The following SEPTIN6 variants were observed in gnomAD, a reference collection of about 807,000 sequenced individuals.
SEPTIN6 encodes the protein septin-6.
SEPTIN6 carries 8 observed loss-of-function variants against 33.6 expected under a neutral mutation model. That is an observed-to-expected ratio of 0.24 (90% CI 0.14 to 0.43). SEPTIN6 has a LOEUF of 0.43. Among genes scored for constraint, SEPTIN6 ranks in the 20% least tolerant of loss-of-function variants. The probability of loss-of-function intolerance (pLI) is 1.00; values close to 1 mark genes in which losing one functional copy is unlikely to be tolerated. For synonymous variants in SEPTIN6, 131 were observed against 140.0 expected, an observed-to-expected ratio of 0.94 and a Z score of 0.45; for missense variants, 250 against 340.8, an observed-to-expected ratio of 0.73 and a Z score of 2.10.
intron 9 of SEPTIN6, among the ~76,000 whole-genome samples, chrX:119,627,810 T>C (rs1265957391): frequency 1.1e-5 from 1 of 94,486 alleles, no homozygotes; most frequent in African/African-American, 3.9e-5. Context: ...TTTTTTTTTT[T>C]TTTTTTTGAG....
At chrX:119,644,725 T>C (rs893052183) in intron 5 of SEPTIN6, among the ~76,000 whole-genome samples, 1 of 108,423 alleles carries the variant, frequency 9.2e-6, no homozygotes, top group Admixed American at 9.9e-5. Flanking sequence ...CGGGCGCCTG[T>C]AATCCCAGCT....
At chrX:119,631,213 C>T (rs1267491916) in intron 8 of SEPTIN6, among the ~76,000 whole-genome samples, 5 of 102,742 alleles carry the variant, frequency 4.9e-5, no homozygotes, top group African/African-American at 1.8e-4. Flanking sequence ...CAGAGTCTCG[C>T]TCTGTCGCCC....
chrX:119,675,065 G>C (rs772618110), intron 2 of SEPTIN6, among the ~76,000 whole-genome samples: 55 of 110,530 alleles, frequency 5.0e-4, no homozygotes, highest in Non-Finnish European at 8.3e-4. Flanking sequence ...TCTAGGCAGA[G>C]AGATAGGTAA....
intron 1 of SEPTIN6, among the ~76,000 whole-genome samples, chrX:119,690,454 G>GT (rs1282476007): frequency 9.1e-6 from 1 of 109,921 alleles, no homozygotes; most frequent in Non-Finnish European, 1.9e-5. Context: ...GCCGGGAGCA[G>GT]TGGCTCATGC....
intron 5 of SEPTIN6, among the ~76,000 whole-genome samples, chrX:119,649,111 A>ATTTT (rs200217501): frequency 1.2e-4 from 9 of 75,699 alleles, no homozygotes; most frequent in African/African-American, 1.7e-4. Flanking sequence ...CATAACGCTG[A>ATTTT]TTTTTTTTTT....
intron 9 of SEPTIN6, 127 bp downstream of exon 9, chrX:119,629,191 A>G: frequency 1.6e-6 from 1 of 623,399 alleles, no homozygotes; most frequent in Non-Finnish European, 2.5e-6. Flanking sequence ...AGGTACCTCA[A>G]CCAGTCTGAC....
At chrX:119,632,874 T>C (rs1382954773) in intron 8 of SEPTIN6, among the ~76,000 whole-genome samples, 4 of 111,251 alleles carry the variant, frequency 3.6e-5, no homozygotes, top group Non-Finnish European at 7.6e-5. Context: ...GTGATCCAAC[T>C]ACCTCGGCCT....
chrX:119,645,570 C>T (rs1381677810), intron 5 of SEPTIN6, among the ~76,000 whole-genome samples: 1 of 110,872 alleles, frequency 9.0e-6, no homozygotes, highest in Non-Finnish European at 1.9e-5. Context: ...GCTAATTTTG[C>T]ATTTTTAGTA....
At chrX:119,640,168 C>CTTTTTTTTTTT (rs57021804) in intron 6 of SEPTIN6, among the ~76,000 whole-genome samples, 36 of 20,175 alleles carry the variant, frequency 1.8e-3, no homozygotes, top group Non-Finnish European at 2.4e-3. Flanking sequence ...ACTATCCAGT[C>CTTTTTTTTTTT]TTTTTTTTTT....
At chrX:119,654,118 G>C (rs1391533900) in intron 3 of SEPTIN6, among the ~76,000 whole-genome samples, 1 of 110,724 alleles carries the variant, frequency 9.0e-6, no homozygotes. Context: ...ATCTGGTAAA[G>C]CTACTCCCCT....
In SEPTIN6 at chrX:119,637,127, G is replaced by A; in HGVS notation, c.856C>T (p.Leu286=). ...EMLIRVNMED[L]REQTHTRHYE... ...TGCCGGGTGTGGGTCTGCTCCCGCAGATCCTCCATGTTGACCCGAATCAGC... is the reference window on the plus strand; with the variant it reads ...TGCCGGGTGTGGGTCTGCTCCCGCAAATCCTCCATGTTGACCCGAATCAGC... The change falls in exon 7 of 11, where the codon CTG becomes TTG. Residue 286 remains leucine, a synonymous_variant. Transcript: ENST00000394610. 1.7e-6 allele frequency: 2 copies of A among 1,211,546 alleles called. No homozygotes were observed. The highest frequency in any genetic ancestry group is 3.0e-5 in the East Asian group (1 of 33,827).
At chrX:119,637,592 C>T (rs867966233) in intron 6 of SEPTIN6, among the ~76,000 whole-genome samples, 2 of 93,488 alleles carry the variant, frequency 2.1e-5, no homozygotes, top group African/African-American at 8.4e-5. Context: ...CATCCATCCA[C>T]TCATCCATCC....
intron 10 of SEPTIN6, among the ~76,000 whole-genome samples, chrX:119,622,036 AAACAAAACAACAAC>A (rs1279386318): frequency 8.9e-5 from 8 of 89,922 alleles, no homozygotes; most frequent in Non-Finnish European, 1.7e-4. Context: ...ACAAAAACAA[AAACAAAACAACAAC>A]AACAAAAAAA....
At chrX:119,688,986 T>C (rs868419380) in intron 1 of SEPTIN6, among the ~76,000 whole-genome samples, 4 of 110,935 alleles carry the variant, frequency 3.6e-5, no homozygotes, top group African/African-American at 1.3e-4. Context: ...AACTGCCACG[T>C]GATGATAGCA....
rs748263922 is a variant in SEPTIN6, at chrX:119,624,458, A to C, written c.*41+877T>G. The stretch of plus-strand genomic sequence containing the variant: ...CCAAAGTGCTAAGATTACAGGCGTG[A>C]GCCACTGCTCTCAGCCTTATTATGG... On this transcript the variant is annotated intron_variant, in intron 10 of 10. Coordinates refer to ENST00000394610, the MANE Select transcript of SEPTIN6 (RefSeq NM_145799.4). Among the ~76,000 whole-genome samples, 4 of 111,094 alleles carry C rather than the reference A, an allele frequency of 3.6e-5. No homozygotes were observed. The East Asian group carries it at 1.1e-3, about 31-fold the overall frequency.
intron 3 of SEPTIN6, among the ~76,000 whole-genome samples, chrX:119,661,245 G>A (rs1336671340): frequency 3.0e-5 from 3 of 99,040 alleles, no homozygotes; most frequent in East Asian, 3.2e-4. Context: ...CTAACACAGT[G>A]AAACCCCATC....
chrX:119,620,533 A>G lies in SEPTIN6; in HGVS notation c.*42-482T>C, dbSNP rs1218690578. ...ACGGGGTTTCACCGTGTTAGCCAGG[A>G]TGGTCTCGATCTCCTGACCTCATGA... On this transcript the variant is annotated intron_variant, in intron 10 of 10. Coordinates refer to ENST00000394610, the MANE Select transcript of SEPTIN6 (RefSeq NM_145799.4). Among the ~76,000 whole-genome samples, 3 of 109,096 alleles carry G rather than the reference A, an allele frequency of 2.7e-5. No individual in the cohort carries two copies. In the Admixed American group the frequency reaches 2.9e-4, roughly 11 times the overall value. The allele number at this position is 109,096 out of a possible 115,157, so 94.7% of individuals were successfully genotyped here.
chrX:119,659,772 T>C (rs1263279198), intron 3 of SEPTIN6, among the ~76,000 whole-genome samples: 1 of 112,073 alleles, frequency 8.9e-6, no homozygotes. Flanking sequence ...AAGATGAAAT[T>C]TGAACCCAGG....
intron 10 of SEPTIN6, among the ~76,000 whole-genome samples, chrX:119,621,494 T>TGTGTGTGTGTGTGTGTGTGTG (rs2053763894): frequency 9.7e-6 from 1 of 103,570 alleles, no homozygotes; most frequent in African/African-American, 3.6e-5. Flanking sequence ...TGTGTGTGTG[T>TGTGTGTGTGTGTGTGTGTGTG]ATTTTTATTT....
Sources: allele counts gnomAD v4.1 joint callset (sites outside exome capture counted in the v4.1 genomes callset), GRCh38; gene constraint gnomAD v4.1.1; transcripts MANE v1.5; gene names NCBI Gene and HGNC (gene_info 2026-07-23, HGNC 2026-07-21).